Variants in SUMF1 observed in about 807,000 individuals in gnomAD.
The protein encoded by SUMF1 is formylglycine-generating enzyme.
SUMF1 carries 48 observed loss-of-function variants against 47.6 expected under a neutral mutation model. The ratio of observed to expected loss-of-function variants is 1.01; its 90% CI spans 0.80 to 1.28. The LOEUF (loss-of-function observed/expected upper bound fraction) is 1.28. Among genes scored for constraint, SUMF1 ranks in the 50% most tolerant of loss-of-function variants. The pLI, the probability that SUMF1 is intolerant of heterozygous loss-of-function variation, is 0.00. For synonymous variants in SUMF1, 230 were observed against 192.1 expected (o/e 1.20, Z -1.63); for missense variants, 571 against 485.4 (o/e 1.18, Z -1.66).
At chr3:4,312,904 C>T in intron 8 of SUMF1, 1 of 1,610,276 alleles carries the variant, frequency 6.2e-7, no homozygotes, top group African/African-American at 1.3e-5. Flanking sequence ...ACAGTACACT[C>T]CTGATCATGT....
chr3:4,289,987 G>A (rs1430862593), intron 8 of SUMF1, among the ~76,000 whole-genome samples: 2 of 152,194 alleles, frequency 1.3e-5, no homozygotes, highest in Non-Finnish European at 2.9e-5. Flanking sequence ...GGCAGATCTA[G>A]ATATGAGATC....
At chr3:4,381,314 C>A (rs1217444316) in intron 7 of SUMF1, among the ~76,000 whole-genome samples, 1 of 152,072 alleles carries the variant, frequency 6.6e-6, no homozygotes, top group Non-Finnish European at 1.5e-5. Flanking sequence ...AAGAATGACA[C>A]AATGGACTTT....
chr3:4,409,814 T>A (rs1701486705), intron 7 of SUMF1, among the ~76,000 whole-genome samples: 1 of 152,256 alleles, frequency 6.6e-6, no homozygotes, highest in African/African-American at 2.4e-5. Flanking sequence ...AGATTATTCA[T>A]GAGCAGCCCA....
intron 8 of SUMF1, among the ~76,000 whole-genome samples, chr3:4,170,646 G>C (rs182496284): frequency 2.6e-5 from 4 of 152,272 alleles, no homozygotes; most frequent in Admixed American, 2.6e-4. Context: ...ATAGATCGAT[G>C]AAACAGAGTA....
intron 7 of SUMF1, among the ~76,000 whole-genome samples, chr3:4,377,295 G>A (rs1018262864): frequency 2.0e-5 from 3 of 151,496 alleles, no homozygotes; most frequent in Non-Finnish European, 4.4e-5. Flanking sequence ...TCATGTAACC[G>A]CTACCACAAT....
intron 8 of SUMF1, among the ~76,000 whole-genome samples, chr3:4,106,613 G>A (rs1031401385): frequency 6.6e-5 from 10 of 151,986 alleles, no homozygotes; most frequent in African/African-American, 9.7e-5. Context: ...AAGAAATAAC[G>A]AGAAACTTGA....
At chr3:4,176,523 T>G (rs1283198281) in intron 8 of SUMF1, among the ~76,000 whole-genome samples, 4 of 152,154 alleles carry the variant, frequency 2.6e-5, no homozygotes, top group East Asian at 1.9e-4. Context: ...TGCCTTACAA[T>G]AGCTGCTGAA....
intron 8 of SUMF1, among the ~76,000 whole-genome samples, chr3:4,278,721 C>T (rs1291722968): frequency 6.6e-6 from 1 of 152,030 alleles, no homozygotes; most frequent in African/African-American, 2.4e-5. Flanking sequence ...TTTGTCACAT[C>T]GATGGCAGTG....
At chr3:4,390,213 AC>A (rs746848938) in intron 7 of SUMF1, among the ~76,000 whole-genome samples, 2 of 152,006 alleles carry the variant, frequency 1.3e-5, no homozygotes, top group South Asian at 4.2e-4. Flanking sequence ...TTCAGAAGGG[AC>A]CCCTCATTAC....
rs568818086 is a variant in SUMF1, at chr3:4,313,447, C to T, written c.1014+62883G>A. 7.2e-5 allele frequency: 117 copies of T among 1,613,908 alleles called. 2 individuals are homozygous for T. In the South Asian group the frequency reaches 9.2e-4, roughly 13 times the overall value. ...GCCAAACCTTTTGATGATTCCTGTC[C>T]GAATTGACTCAATGGTACCTAAGTT... is the stretch of plus-strand genomic sequence containing the variant. On this transcript the variant is annotated intron_variant and NMD_transcript_variant, in intron 8 of 12. Coordinates refer to the SUMF1 transcript ENST00000448413.
chr3:4,301,770 T>C (rs182960612), intron 8 of SUMF1, among the ~76,000 whole-genome samples: 44 of 152,322 alleles, frequency 2.9e-4, no homozygotes, highest in African/African-American at 6.0e-4. Flanking sequence ...TCAGATTATT[T>C]TGAGTTTGAG....
In SUMF1 at chr3:4,432,821, T is replaced by C. The variant is rs567817628; in HGVS notation, c.520-12675A>G. On this transcript the variant is annotated intron_variant, in intron 3 of 8. Transcript: ENST00000272902. ...TAGATCTAGTTATCTGTTGTATCTATGGCACTTAAAACACAACCTAGCCCC... is the reference window on the plus strand; with the variant it reads ...TAGATCTAGTTATCTGTTGTATCTACGGCACTTAAAACACAACCTAGCCCC... Among the ~76,000 whole-genome samples, 4 of 152,346 alleles carry C rather than the reference T, an allele frequency of 2.6e-5. No individual in the cohort carries two copies. In the East Asian group the frequency reaches 7.7e-4, roughly 29 times the overall value.
intron 8 of SUMF1, among the ~76,000 whole-genome samples, chr3:4,099,102 G>A (rs940229424): frequency 2.6e-5 from 4 of 152,116 alleles, no homozygotes; most frequent in African/African-American, 9.7e-5. Flanking sequence ...GATCTGCCCT[G>A]ATAACATCCA....
intron 8 of SUMF1, among the ~76,000 whole-genome samples, chr3:4,211,337 C>T (rs931357957): frequency 6.6e-6 from 1 of 150,634 alleles, no homozygotes; most frequent in Non-Finnish European, 1.5e-5. Flanking sequence ...CTCCACCCTC[C>T]AGTTGGCCCT....
chr3:4,296,073 C>T (rs1418460602), intron 8 of SUMF1, among the ~76,000 whole-genome samples: 1 of 151,304 alleles, frequency 6.6e-6, no homozygotes, highest in Non-Finnish European at 1.5e-5. Flanking sequence ...TAATAAATTG[C>T]CACATTTTTT....
At chr3:4,286,322 G>A (rs1320964145) in intron 8 of SUMF1, among the ~76,000 whole-genome samples, 1 of 151,960 alleles carries the variant, frequency 6.6e-6, no homozygotes, top group Non-Finnish European at 1.5e-5. Context: ...TGAGTTTTCT[G>A]CATCTATAGG....
At chr3:4,316,215 A>T in intron 8 of SUMF1, 1 of 699,050 alleles carries the variant, frequency 1.4e-6, no homozygotes, top group Non-Finnish European at 2.6e-6. Context: ...ATTTTAGACT[A>T]TGAAAATGAT....
At position 4,401,368 on chromosome 3, in the gene SUMF1, T is replaced by C. The variant is rs139456838; in HGVS notation, c.954+9497A>G. The stretch of plus-strand genomic sequence containing the variant: ...CTGGGTCAAATGGTATTTCTAGTTC[T>C]AGATCCTTGAGGAATTGCCACACTG... On this transcript the variant is annotated intron_variant, in intron 7 of 8. Transcript: ENST00000272902. 3.3e-5 allele frequency among the ~76,000 whole-genome samples: 5 copies of C among 152,288 alleles called. No homozygotes were observed. The East Asian group carries it at 9.7e-4, about 29-fold the overall frequency.
chr3:4,329,192 C>T (rs1046326600), intron 8 of SUMF1, among the ~76,000 whole-genome samples: 2 of 152,168 alleles, frequency 1.3e-5, no homozygotes, highest in Non-Finnish European at 2.9e-5. Context: ...GGTGGATCTA[C>T]CATTCTGGGG....
Sources: allele counts gnomAD v4.1 joint callset (sites outside exome capture counted in the v4.1 genomes callset), GRCh38; gene constraint gnomAD v4.1.1; transcripts MANE v1.5; gene names NCBI Gene and HGNC (gene_info 2026-07-23, HGNC 2026-07-21).